AK5: variants seen among roughly 807,000 people sequenced by gnomAD.
AK5 encodes adenylate kinase 5.
In AK5, 27 loss-of-function variants were observed where a neutral mutation model predicts 69.5. That is an observed-to-expected ratio of 0.39 (90% CI 0.29 to 0.54). The LOEUF (loss-of-function observed/expected upper bound fraction) is 0.54. Among genes scored for constraint, AK5 ranks in the 20% least tolerant of loss-of-function variants. AK5 has a pLI of 0.71. For missense variants in AK5, 531 were observed against 700.4 expected, an observed-to-expected ratio of 0.76 and a Z score of 2.73; for synonymous variants, 260 against 244.4, an observed-to-expected ratio of 1.06 and a Z score of -0.60.
chr1:77,330,039 A>G (rs1000757337), intron 5 of AK5, among the ~76,000 whole-genome samples: 5 of 152,198 alleles, frequency 3.3e-5, no homozygotes, highest in African/African-American at 4.8e-5. Context: ...TGGAGATAAA[A>G]GAGAGGCAAA....
intron 6 of AK5, among the ~76,000 whole-genome samples, chr1:77,391,700 C>T (rs1011895694): frequency 6.6e-6 from 1 of 151,746 alleles, no homozygotes; most frequent in African/African-American, 2.4e-5. Flanking sequence ...TGTGCAGACA[C>T]ACTGCTTGGA....
intron 5 of AK5, among the ~76,000 whole-genome samples, chr1:77,309,932 T>C (rs183804622): frequency 1.3e-5 from 2 of 152,272 alleles, no homozygotes; most frequent in African/African-American, 2.4e-5. Context: ...TGTTTTGTCC[T>C]GCAGAAATTT....
chr1:77,389,187 G>A (rs939323064), intron 6 of AK5, among the ~76,000 whole-genome samples: 7 of 152,228 alleles, frequency 4.6e-5, no homozygotes, highest in Admixed American at 3.9e-4. Context: ...TCTCCAGAGA[G>A]AGACTGTAGA....
intron 8 of AK5, among the ~76,000 whole-genome samples, chr1:77,444,481 A>T (rs1486473686): frequency 1.6e-4 from 1 of 6,158 alleles, no homozygotes; most frequent in Non-Finnish European, 2.3e-4. Context: ...TACTATATAT[A>T]GTATATACAT....
At chr1:77,471,229 A>C (rs1008666461) in intron 8 of AK5, among the ~76,000 whole-genome samples, 1 of 152,022 alleles carries the variant, frequency 6.6e-6, no homozygotes, top group Non-Finnish European at 1.5e-5. Context: ...GGAATCAAGC[A>C]GACCTGAATT....
intron 8 of AK5, among the ~76,000 whole-genome samples, chr1:77,437,835 C>CA (rs1267835199): frequency 1.3e-5 from 2 of 151,912 alleles, no homozygotes; most frequent in African/African-American, 4.8e-5. Flanking sequence ...GCAGACAAAG[C>CA]AAAATTTTTA....
At chr1:77,519,254 G>C (rs988623692) in intron 11 of AK5, among the ~76,000 whole-genome samples, 7 of 152,068 alleles carry the variant, frequency 4.6e-5, no homozygotes, top group Non-Finnish European at 8.8e-5. Context: ...GCCACACTGG[G>C]TCCCATGATA....
intron 11 of AK5, among the ~76,000 whole-genome samples, 171 bp downstream of exon 11, chr1:77,518,898 C>A (rs369959217): frequency 6.6e-6 from 1 of 152,166 alleles, no homozygotes; most frequent in Non-Finnish European, 1.5e-5. Flanking sequence ...AGCAGACAGA[C>A]CTTCTACTCA....
chr1:77,360,068 G>A (rs974937070), intron 6 of AK5, among the ~76,000 whole-genome samples: 2 of 152,138 alleles, frequency 1.3e-5, no homozygotes, highest in Admixed American at 1.3e-4. Context: ...AGAGGGAAAT[G>A]GATTTTCTTA....
At chr1:77,400,841 C>T (rs1649164360) in intron 6 of AK5, among the ~76,000 whole-genome samples, 1 of 150,610 alleles carries the variant, frequency 6.6e-6, no homozygotes, top group Non-Finnish European at 1.5e-5. Flanking sequence ...ATATACACAG[C>T]CTTCAAGTGT....
At chr1:77,421,937 G>A (rs148708577) in intron 8 of AK5, among the ~76,000 whole-genome samples, 1 of 152,194 alleles carries the variant, frequency 6.6e-6, no homozygotes, top group Non-Finnish European at 1.5e-5. Flanking sequence ...GTGAGCTCCT[G>A]TTGCATATGT....
At chr1:77,326,778 C>G (rs1205004464) in intron 5 of AK5, among the ~76,000 whole-genome samples, 1 of 152,048 alleles carries the variant, frequency 6.6e-6, no homozygotes, top group South Asian at 2.1e-4. Context: ...GTAGGTAGAT[C>G]AAGGAGAAAT....
At position 77,367,563 on chromosome 1, in the gene AK5, A is replaced by ATGT. The variant is rs1284972732; in HGVS notation, c.891+26996_891+26997insGTT. ...AGACTCATTTATGTTATTTTTATAT[A>ATGT]TATATATATATATATAATATATATG... On this transcript the variant is annotated intron_variant, in intron 6 of 13. Coordinates refer to ENST00000354567, the MANE Select transcript of AK5 (RefSeq NM_174858.3). Among the ~76,000 whole-genome samples the ATGT allele has an allele frequency of 5.0e-4, 8 of 15,958 alleles. 1 individual carries two copies. The highest frequency in any genetic ancestry group is 1.0e-3 in the Non-Finnish European group (8 of 7,902). The allele number at this position is 15,958 out of a possible 152,430, so 10.5% of individuals were successfully genotyped here. A position where few individuals can be genotyped will look rare whatever the true frequency, so the allele number is the denominator to read the frequency against.
At position 77,289,555 on chromosome 1, in the gene AK5, C is replaced by T. The variant is rs910275258; in HGVS notation, c.247+2428C>T. On this transcript the variant is annotated intron_variant, in intron 2 of 13. Transcript: ENST00000354567. ...TAAGAAGTTATGACATCTACTTAGTCGGAAAGCTGCTCTGACTGGGTGTAA... is the reference window on the plus strand; with the variant it reads ...TAAGAAGTTATGACATCTACTTAGTTGGAAAGCTGCTCTGACTGGGTGTAA... 8.3e-4 allele frequency among the ~76,000 whole-genome samples: 126 copies of T among 152,140 alleles called. 1 individual carries two copies. The highest frequency in any genetic ancestry group is 6.4e-3 in the Admixed American group (98 of 15,280).
chr1:77,367,551 TTATTTTTATATATA>T lies in AK5; in HGVS notation c.891+26987_891+27000del, dbSNP rs1307933958. ...CCTATGTTGCCCAGACTCATTTATG[TTATTTTTATATATA>T]TATATATATATATAATATATATGTT... On this transcript the variant is annotated intron_variant, in intron 6 of 13. Transcript: ENST00000354567. Among the ~76,000 whole-genome samples the T allele has an allele frequency of 2.5e-4, 5 of 19,718 alleles. 2 individuals carry two copies. The highest frequency in any genetic ancestry group is 1.8e-3 in the East Asian group (2 of 1,110). 12.9% of individuals were successfully genotyped at this position (19,718 alleles called of 152,430 possible). A position where few individuals can be genotyped will look rare whatever the true frequency, so the allele number is the denominator to read the frequency against.
At chr1:77,353,658 T>G (rs1239965772) in intron 6 of AK5, among the ~76,000 whole-genome samples, 1 of 152,198 alleles carries the variant, frequency 6.6e-6, no homozygotes, top group Non-Finnish European at 1.5e-5. Flanking sequence ...GATCCCAGTC[T>G]GCCCTGTTTC....
chr1:77,286,708 A>G (rs1016249817), intron 1 of AK5, among the ~76,000 whole-genome samples: 1 of 152,014 alleles, frequency 6.6e-6, no homozygotes, highest in Non-Finnish European at 1.5e-5. Context: ...GTAGCTGGGC[A>G]TAATGGTGTG....
At chr1:77,362,980 A>G (rs12565558) in intron 6 of AK5, among the ~76,000 whole-genome samples, 45,828 of 151,920 alleles carry the variant, frequency 0.3, 8,129 homozygotes, top group East Asian at 0.42. Context: ...TTCCTTGGTG[A>G]TCTCATTTAC....
intron 13 of AK5, among the ~76,000 whole-genome samples, chr1:77,537,359 T>C (rs1433881611): frequency 1.3e-5 from 2 of 152,106 alleles, no homozygotes; most frequent in African/African-American, 4.8e-5. Context: ...AAGCAAGGAC[T>C]AGATCAAGAT....
Sources: allele counts gnomAD v4.1 joint callset (sites outside exome capture counted in the v4.1 genomes callset), GRCh38; gene constraint gnomAD v4.1.1; transcripts MANE v1.5; gene names NCBI Gene and HGNC (gene_info 2026-07-23, HGNC 2026-07-21).